Variants in LRFN2 observed in about 807,000 individuals in gnomAD.
The protein encoded by LRFN2 is leucine-rich repeat and fibronectin type-III domain-containing protein 2.
A neutral mutation model predicts 37.3 loss-of-function variants in LRFN2; 18 were observed. That is an observed-to-expected ratio of 0.48 (90% CI 0.33 to 0.72). The LOEUF (loss-of-function observed/expected upper bound fraction) is 0.72. Ranked by LOEUF, LRFN2 falls within the 30% of genes least tolerant of loss-of-function variation. LRFN2 has a pLI of 0.02. For missense variants in LRFN2, 1,006 were observed against 1,060.7 expected (o/e 0.95, Z 0.72); for synonymous variants, 556 against 466.6 (o/e 1.19, Z -2.47).
chr6:40,392,189 G>A lies in LRFN2; in HGVS notation c.2124C>T (p.Ser708=), dbSNP rs769398820. 5.2e-5 allele frequency: 82 copies of A among 1,585,436 alleles called. 1 individual carries two copies. Among genetic ancestry groups the A allele is most frequent in the African/African-American group, 2.7e-5 (2 of 74,176 alleles). ...LLGPPAARAR[S]LLPLPLEGKA... The stretch of plus-strand genomic sequence containing the variant: ...TGCCCTCCAACGGCAAGGGGAGCAG[G>A]CTCCTGGCCCGGGCCGCAGGGGGCC... Residue 708 remains serine, a synonymous_variant, in exon 3 of 3, where the codon AGC becomes AGT. Transcript: ENST00000338305. The surrounding 1 kb of genome is among the most constrained non-coding windows in gnomAD (Gnocchi z 4.7).
At chr6:40,454,638 T>C (rs562816790) in intron 1 of LRFN2, among the ~76,000 whole-genome samples, 13 of 152,314 alleles carry the variant, frequency 8.5e-5, no homozygotes, top group African/African-American at 2.9e-4. Flanking sequence ...GGCCCCTTCC[T>C]TGTTCTTCTT....
intron 1 of LRFN2, among the ~76,000 whole-genome samples, chr6:40,460,646 C>A (rs190431571): frequency 1.3e-5 from 2 of 152,254 alleles, no homozygotes; most frequent in Non-Finnish European, 1.5e-5. Context: ...GAGAGGCCTA[C>A]AAGGGAGAGG....
At chr6:40,479,034 G>T (rs544128723) in intron 1 of LRFN2, among the ~76,000 whole-genome samples, 18 of 152,148 alleles carry the variant, frequency 1.2e-4, no homozygotes, top group Non-Finnish European at 2.4e-4. Flanking sequence ...AATTTTGTCT[G>T]GCTTAAAACC....
At chr6:40,548,372 C>T (rs1229384139) in intron 1 of LRFN2, among the ~76,000 whole-genome samples, 7 of 151,484 alleles carry the variant, frequency 4.6e-5, no homozygotes, top group Non-Finnish European at 8.8e-5. Context: ...ACCTGGGAGG[C>T]GGAGGTTGCA....
rs951610812 is a variant in LRFN2, at chr6:40,520,880, G to A, written c.-19+66061C>T. The stretch of plus-strand genomic sequence containing the variant: ...CACCGAGCACCCTCAGAGGGGCCGC[G>A]CCCAGCAGCCAGGAGCAGGGTGGAA... On this transcript the variant is annotated intron_variant, in intron 1 of 2. Transcript: ENST00000338305. Among the ~76,000 whole-genome samples, 12 of 152,128 alleles carry A rather than the reference G, an allele frequency of 7.9e-5. No homozygotes were observed. In the East Asian group the frequency reaches 1.2e-3, roughly 15 times the overall value.
intron 1 of LRFN2, among the ~76,000 whole-genome samples, chr6:40,470,599 ACT>A (rs1475493485): frequency 5.6e-5 from 8 of 142,902 alleles, no homozygotes; most frequent in Non-Finnish European, 1.0e-4. Flanking sequence ...ACAGAGCAAG[ACT>A]CTGTCTCAAA....
chr6:40,556,812 G>A (rs889526869), intron 1 of LRFN2, among the ~76,000 whole-genome samples: 1 of 151,086 alleles, frequency 6.6e-6, no homozygotes, highest in South Asian at 2.1e-4. Flanking sequence ...TTGAACTCCT[G>A]TTCCCCTGTC....
intron 1 of LRFN2, among the ~76,000 whole-genome samples, chr6:40,509,969 G>A (rs1765657530): frequency 6.6e-6 from 1 of 150,718 alleles, no homozygotes; most frequent in Admixed American, 6.6e-5. Context: ...TATGCATGTG[G>A]GTATGCCACG....
chr6:40,442,222 T>A (rs937979611), intron 1 of LRFN2, among the ~76,000 whole-genome samples: 21 of 152,210 alleles, frequency 1.4e-4, no homozygotes, highest in Non-Finnish European at 2.5e-4. Context: ...GTGGGGTGAA[T>A]AACGCAAAGT....
At chr6:40,485,714 C>A (rs915188597) in intron 1 of LRFN2, among the ~76,000 whole-genome samples, 14 of 152,286 alleles carry the variant, frequency 9.2e-5, no homozygotes, top group Middle Eastern at 3.4e-3. Context: ...GGACTTTAAG[C>A]CCTGGAAGAA....
intron 1 of LRFN2, among the ~76,000 whole-genome samples, chr6:40,456,278 A>G (rs1764232795): frequency 6.6e-6 from 1 of 152,262 alleles, no homozygotes; most frequent in Non-Finnish European, 1.5e-5. Flanking sequence ...TGCAATAACA[A>G]AAAACTAACA....
Position 40,423,906 on chromosome 6 carries a change from C to A in LRFN2, c.1400+7808G>T, listed in dbSNP as rs80132778. ...TGGTAGGACAGAAAGACAGAAGGAA[C>A]TGGGCTCCTGATGACCATGCTACCC... On this transcript the variant is annotated intron_variant, in intron 2 of 2. Coordinates refer to ENST00000338305, the MANE Select transcript of LRFN2 (RefSeq NM_020737.3). Among the ~76,000 whole-genome samples, 1,316 of 152,304 alleles carry A rather than the reference C, an allele frequency of 8.6e-3. 18 individuals carry two copies. The highest frequency in any genetic ancestry group is 0.029 in the African/African-American group (1,206 of 41,560).
At chr6:40,525,682 C>T (rs1266619705) in intron 1 of LRFN2, among the ~76,000 whole-genome samples, 1 of 152,192 alleles carries the variant, frequency 6.6e-6, no homozygotes, top group Non-Finnish European at 1.5e-5. Context: ...TGCCTCCTTC[C>T]TCTTGCCATA....
At chr6:40,462,953 C>A (rs1190691208) in intron 1 of LRFN2, among the ~76,000 whole-genome samples, 1 of 152,160 alleles carries the variant, frequency 6.6e-6, no homozygotes, top group Non-Finnish European at 1.5e-5. Flanking sequence ...GCCATGTGGC[C>A]AAGTTCTGGC....
chr6:40,464,973 G>T (rs1260665709), intron 1 of LRFN2, among the ~76,000 whole-genome samples: 4 of 152,128 alleles, frequency 2.6e-5, no homozygotes, highest in Admixed American at 6.5e-5. Context: ...AGGAATTAAG[G>T]TTGCAGATAT....
chr6:40,451,659 C>T (rs980378904), intron 1 of LRFN2, among the ~76,000 whole-genome samples: 1 of 151,920 alleles, frequency 6.6e-6, no homozygotes, highest in Non-Finnish European at 1.5e-5. Context: ...GGATCCTGGT[C>T]TCCTGACAAT....
At chr6:40,396,686 CTGTGTGTGTGTGTGTGTG>C (rs3997706) in intron 2 of LRFN2, among the ~76,000 whole-genome samples, 5,685 of 135,218 alleles carry the variant, frequency 0.042, 264 homozygotes, top group Admixed American at 0.14. Context: ...TTCCTCTGCT[CTGTGTGTGTGTGTGTGTG>C]TGTGTGTGTG....
chr6:40,520,818 G>A (rs1466072703), intron 1 of LRFN2, among the ~76,000 whole-genome samples: 2 of 152,154 alleles, frequency 1.3e-5, no homozygotes, highest in African/African-American at 4.8e-5. Context: ...ATGCTTGGCC[G>A]TGAATGTAGC....
chr6:40,536,119 C>T (rs1293389332), intron 1 of LRFN2, among the ~76,000 whole-genome samples: 5 of 152,070 alleles, frequency 3.3e-5, no homozygotes, highest in African/African-American at 1.2e-4. Flanking sequence ...GCAGGAGACC[C>T]GGAAAGGCTC....
Sources: allele counts gnomAD v4.1 joint callset (sites outside exome capture counted in the v4.1 genomes callset), GRCh38; gene constraint gnomAD v4.1.1; non-coding constraint Gnocchi (gnomAD v3.1); transcripts MANE v1.5; gene names NCBI Gene and HGNC (gene_info 2026-07-23, HGNC 2026-07-21).